STAT4: variants seen among roughly 807,000 people sequenced by gnomAD.
The protein encoded by STAT4 is signal transducer and activator of transcription 4.
Under a neutral mutation model 110.5 loss-of-function variants are expected in STAT4, and 42 were observed. The ratio of observed to expected loss-of-function variants is 0.38; its 90% CI spans 0.30 to 0.49. The LOEUF is 0.49. STAT4 is among the 20% of genes least tolerant of loss of function. The pLI is 0.95. For missense variants in STAT4, 632 were observed against 887.9 expected (o/e 0.71, Z 3.66); for synonymous variants, 284 against 302.2 (o/e 0.94, Z 0.63).
At chr2:191,133,678 C>G (rs1699102897) in intron 3 of STAT4, among the ~76,000 whole-genome samples, 1 of 150,590 alleles carries the variant, frequency 6.6e-6, no homozygotes. Context: ...TTTTATTTTT[C>G]TTAAGTCATT....
At chr2:191,118,982 C>A (rs749794568) in intron 3 of STAT4, among the ~76,000 whole-genome samples, 3 of 152,070 alleles carry the variant, frequency 2.0e-5, no homozygotes, top group Non-Finnish European at 4.4e-5. Flanking sequence ...CCCAGGCTGG[C>A]CTTGAACTCC....
intron 5 of STAT4, among the ~76,000 whole-genome samples, chr2:191,070,296 C>A (rs1474312797): frequency 6.6e-6 from 1 of 152,126 alleles, no homozygotes; most frequent in Non-Finnish European, 1.5e-5. Context: ...TACTTTTCCC[C>A]AAACCTGGTG....
chr2:191,136,024 C>CAAAAAAAAAAAAAAA (rs1699173501), intron 3 of STAT4, among the ~76,000 whole-genome samples: 6 of 43,722 alleles, frequency 1.4e-4, no homozygotes, highest in African/African-American at 3.2e-4. Context: ...AAAAAAAAAC[C>CAAAAAAAAAAAAAAA]AAAAAACAAA....
chr2:191,040,965 A>C (rs1167677612), intron 15 of STAT4, 100 bp downstream of exon 15: 24 of 660,858 alleles, frequency 3.6e-5, no homozygotes, highest in Non-Finnish European at 4.9e-5. Context: ...ATGAATATGG[A>C]ATGTACTAAA....
intron 14 of STAT4, among the ~76,000 whole-genome samples, chr2:191,047,920 A>T (rs1559043130): frequency 6.6e-6 from 1 of 151,920 alleles, no homozygotes; most frequent in Non-Finnish European, 1.5e-5. Context: ...CCTGTCTCGG[A>T]CTCCCAAAGT....
chr2:191,048,852 T>A (rs1399761615), intron 14 of STAT4, among the ~76,000 whole-genome samples: 2 of 137,636 alleles, frequency 1.5e-5, no homozygotes, highest in Non-Finnish European at 3.1e-5. Flanking sequence ...AAAGCCATCC[T>A]AATCATCCAA....
In STAT4 at chr2:191,058,010, A is replaced by C; in HGVS notation, c.1206+8T>G. On this transcript the variant is annotated splice_region_variant and intron_variant, in intron 13 of 23. Coordinates refer to ENST00000392320, the MANE Select transcript of STAT4 (RefSeq NM_003151.4). This position sits in a 1 kb window ranked among gnomAD's most constrained non-coding sequence, Gnocchi z 4.3. ...AAAAAGCCTGTTTAACTTTACTGCC[A>C]AACTTACCAAATGTCGAAATTCTAC... 1 of 1,612,992 alleles carries C rather than the reference A, an allele frequency of 6.2e-7. No homozygotes were observed.
intron 3 of STAT4, among the ~76,000 whole-genome samples, chr2:191,096,652 C>A (rs897568684): frequency 6.6e-6 from 1 of 152,114 alleles, no homozygotes; most frequent in Admixed American, 6.5e-5. Context: ...GAAAAACCTA[C>A]AGCCAATATC....
chr2:191,123,783 G>A (rs1161291066), intron 3 of STAT4, among the ~76,000 whole-genome samples: 2 of 152,180 alleles, frequency 1.3e-5, no homozygotes, highest in Non-Finnish European at 2.9e-5. Context: ...CTGGGAGCAG[G>A]GGCTCGCTGC....
At chr2:191,063,142 T>C (rs1440479286) in intron 8 of STAT4, among the ~76,000 whole-genome samples, 1 of 152,184 alleles carries the variant, frequency 6.6e-6, no homozygotes, top group African/African-American at 2.4e-5. Context: ...CAATGTTTTC[T>C]TATTTAAACC....
intron 15 of STAT4, 92 bp downstream of exon 15, chr2:191,040,973 A>C: frequency 1.3e-6 from 1 of 795,344 alleles, no homozygotes. Flanking sequence ...GGAATGTACT[A>C]AAACCTAGAA....
At chr2:191,047,132 G>T (rs138712783) in intron 14 of STAT4, among the ~76,000 whole-genome samples, 119 of 152,302 alleles carry the variant, frequency 7.8e-4, no homozygotes, top group African/African-American at 2.4e-3. Context: ...GGAAGCTTCT[G>T]GGTTGCTAAA....
At position 191,079,258 on chromosome 2, in the gene STAT4, C is replaced by A. The variant is rs576653708; in HGVS notation, c.274-2933G>T. 1.1e-4 allele frequency among the ~76,000 whole-genome samples: 16 copies of A among 152,200 alleles called. No individual in the cohort carries two copies. In the East Asian group the frequency reaches 1.9e-3, roughly 18 times the overall value. ...AGTCACGCACACACACATATGCACA[C>A]CCTGGTTGAGAATTTGAATGACACT... On this transcript the variant is annotated intron_variant, in intron 3 of 23. Coordinates refer to ENST00000392320, the MANE Select transcript of STAT4 (RefSeq NM_003151.4).
chr2:191,136,971 A>C (rs1169865510), intron 3 of STAT4, among the ~76,000 whole-genome samples: 1 of 152,228 alleles, frequency 6.6e-6, no homozygotes, highest in Non-Finnish European at 1.5e-5. Context: ...ACCTATAAAA[A>C]ATAAAATACT....
rs1401807302 is a variant in STAT4 at position 191,062,489 on chromosome 2, C to T, written c.941+273G>A. ...ATGGATATGCACATAAGAAAAAACC[C>T]TTGAAATTTTTTCTAAGATGTGAAA... On this transcript the variant is annotated intron_variant, in intron 9 of 23. Coordinates refer to ENST00000392320, the MANE Select transcript of STAT4 (RefSeq NM_003151.4). This position sits in a 1 kb window ranked among gnomAD's most constrained non-coding sequence, Gnocchi z 4.9. Among the ~76,000 whole-genome samples the T allele has an allele frequency of 6.6e-6, 1 of 152,088 alleles. No homozygotes were observed. Among genetic ancestry groups the T allele is most frequent in the African/African-American group, 2.4e-5 (1 of 41,406 alleles).
intron 14 of STAT4, among the ~76,000 whole-genome samples, chr2:191,041,835 C>T (rs2125166612): frequency 6.6e-6 from 1 of 152,296 alleles, no homozygotes; most frequent in Non-Finnish European, 1.5e-5. Context: ...GGTCTCCACC[C>T]CTCCAGACCT....
chr2:191,084,213 G>A (rs567019982), intron 3 of STAT4, among the ~76,000 whole-genome samples: 1 of 151,574 alleles, frequency 6.6e-6, no homozygotes, highest in South Asian at 2.1e-4. Flanking sequence ...AGTGAGCCGA[G>A]ATCATGCCAT....
At chr2:191,130,511 G>A (rs1031111502) in intron 3 of STAT4, among the ~76,000 whole-genome samples, 7 of 151,668 alleles carry the variant, frequency 4.6e-5, no homozygotes, top group South Asian at 2.1e-4. Flanking sequence ...CATGAGCCAC[G>A]GCGCTTGGCC....
intron 14 of STAT4, among the ~76,000 whole-genome samples, chr2:191,048,788 C>CAAAAAAA (rs60267174): frequency 2.1e-5 from 1 of 48,768 alleles, no homozygotes; most frequent in African/African-American, 1.0e-4. Flanking sequence ...AACTCCATCT[C>CAAAAAAA]AAAAAAAAAA....
Sources: gnomAD v4.1 joint callset for allele counts (sites outside exome capture counted in the v4.1 genomes callset) on GRCh38, gnomAD v4.1.1 for gene constraint, Gnocchi (gnomAD v3.1) non-coding constraint, MANE v1.5 for transcripts, NCBI Gene and HGNC (gene_info 2026-07-23, HGNC 2026-07-21) for gene names.